STXBP6: variants seen among roughly 807,000 people sequenced by gnomAD.
STXBP6 encodes the protein syntaxin-binding protein 6.
Under a neutral mutation model 26.9 loss-of-function variants are expected in STXBP6, and 21 were observed. The ratio of observed to expected loss-of-function variants is 0.78; its 90% CI spans 0.55 to 1.12. The LOEUF (loss-of-function observed/expected upper bound fraction) is 1.12, where lower values mean the gene tolerates loss of function less well. Ranked by LOEUF, STXBP6 falls within the 50% of genes most tolerant of loss-of-function variation. The pLI is 0.00. For synonymous variants in STXBP6, 97 were observed against 92.6 expected (o/e 1.05, Z -0.27); for missense variants, 232 against 257.9 (o/e 0.90, Z 0.69).
intron 1 of STXBP6, among the ~76,000 whole-genome samples, chr14:25,033,321 T>G (rs764467007): frequency 4.0e-4 from 61 of 152,296 alleles, no homozygotes; most frequent in Non-Finnish European, 7.4e-4. Context: ...TTTACCACCC[T>G]GGTCAGACTA....
chr14:24,815,030 T>C (rs569510329), intron 5 of STXBP6, among the ~76,000 whole-genome samples: 1 of 152,318 alleles, frequency 6.6e-6, no homozygotes, highest in Admixed American at 6.5e-5. Flanking sequence ...AGTAGTATCA[T>C]TTTAGTTTTT....
chr14:24,896,468 A>G (rs2070995914), intron 2 of STXBP6, among the ~76,000 whole-genome samples: 2 of 152,176 alleles, frequency 1.3e-5, no homozygotes, highest in Non-Finnish European at 2.9e-5. Flanking sequence ...TCCCACTCAA[A>G]CCTACTGAAA....
At chr14:24,962,979 A>C (rs1481156073) in intron 2 of STXBP6, among the ~76,000 whole-genome samples, 1 of 152,232 alleles carries the variant, frequency 6.6e-6, no homozygotes, top group African/African-American at 2.4e-5. Flanking sequence ...GTGTATAAAA[A>C]ATAAAATTCT....
At chr14:24,941,799 G>T (rs1481282274) in intron 2 of STXBP6, among the ~76,000 whole-genome samples, 1 of 152,232 alleles carries the variant, frequency 6.6e-6, no homozygotes, top group Non-Finnish European at 1.5e-5. Flanking sequence ...GAGTGCCATT[G>T]CATGTTCTTA....
At chr14:24,989,030 A>G (rs2074400922) in intron 1 of STXBP6, among the ~76,000 whole-genome samples, 1 of 152,218 alleles carries the variant, frequency 6.6e-6, no homozygotes, top group South Asian at 2.1e-4. Flanking sequence ...TTCTTGGCTC[A>G]TGTATATTTC....
chr14:24,873,264 C>G (rs889389766), intron 2 of STXBP6, among the ~76,000 whole-genome samples: 6 of 151,640 alleles, frequency 4.0e-5, no homozygotes, highest in Admixed American at 3.9e-4. Flanking sequence ...ATAGTCCCTT[C>G]TTCTCAACGG....
At chr14:24,922,353 T>C (rs1347404451) in intron 2 of STXBP6, among the ~76,000 whole-genome samples, 1 of 152,106 alleles carries the variant, frequency 6.6e-6, no homozygotes, top group Non-Finnish European at 1.5e-5. Context: ...AGAGACATCA[T>C]ACCACGTTTT....
At chr14:24,908,707 TC>T (rs1464843512) in intron 2 of STXBP6, among the ~76,000 whole-genome samples, 1 of 152,184 alleles carries the variant, frequency 6.6e-6, no homozygotes, top group Non-Finnish European at 1.5e-5. Flanking sequence ...CCGAAACTTG[TC>T]CCAATTTCCT....
chr14:25,006,502 C>T (rs1391453082), intron 1 of STXBP6, among the ~76,000 whole-genome samples: 2 of 152,184 alleles, frequency 1.3e-5, no homozygotes, highest in Non-Finnish European at 2.9e-5. Context: ...GGAACCCTCA[C>T]ATAAACATGG....
chr14:24,864,539 A>G (rs1011068705), intron 2 of STXBP6, among the ~76,000 whole-genome samples: 1 of 152,166 alleles, frequency 6.6e-6, no homozygotes, highest in Non-Finnish European at 1.5e-5. Flanking sequence ...TTCCTCTTTC[A>G]AAACATAGAT....
Position 24,900,486 on chromosome 14 carries a change from C to T in STXBP6, c.155-43329G>A, listed in dbSNP as rs540013336. On this transcript the variant is annotated intron_variant, in intron 2 of 5. Transcript: ENST00000323944. The stretch of plus-strand genomic sequence containing the variant: ...CTTATTTTCTAATCTATCACGAAGT[C>T]CAAAATAAACTCCAGGCTTCCTCAT... Among the ~76,000 whole-genome samples, 18 of 152,174 alleles carry T rather than the reference C, an allele frequency of 1.2e-4. No homozygotes were observed. The South Asian group carries it at 3.3e-3, about 28-fold the overall frequency.
intron 1 of STXBP6, among the ~76,000 whole-genome samples, chr14:25,027,033 C>T (rs2075362279): frequency 6.6e-6 from 1 of 152,166 alleles, no homozygotes; most frequent in Non-Finnish European, 1.5e-5. Context: ...TAAATGGCTT[C>T]CCAATTGCGG....
At chr14:24,954,730 C>T (rs536394471) in intron 2 of STXBP6, among the ~76,000 whole-genome samples, 1 of 152,310 alleles carries the variant, frequency 6.6e-6, no homozygotes, top group Non-Finnish European at 1.5e-5. Context: ...TGACATAAGG[C>T]AGTAAAATAG....
At chr14:24,891,608 G>C (rs1173681318) in intron 2 of STXBP6, among the ~76,000 whole-genome samples, 1 of 152,078 alleles carries the variant, frequency 6.6e-6, no homozygotes, top group Non-Finnish European at 1.5e-5. Flanking sequence ...TCACTAAATA[G>C]AGGAAAACCA....
intron 2 of STXBP6, among the ~76,000 whole-genome samples, chr14:24,872,665 G>C (rs1193284152): frequency 2.0e-5 from 3 of 152,186 alleles, no homozygotes; most frequent in African/African-American, 7.2e-5. Context: ...CGAGAGTAGG[G>C]AGATGCCACG....
At chr14:24,952,032 T>C (rs933302993) in intron 2 of STXBP6, among the ~76,000 whole-genome samples, 7 of 150,946 alleles carry the variant, frequency 4.6e-5, no homozygotes, top group Admixed American at 6.6e-5. Context: ...CTTATATATA[T>C]AATATACACA....
At chr14:25,006,523 A>T in intron 1 of STXBP6, among the ~76,000 whole-genome samples, 1 of 152,194 alleles carries the variant, frequency 6.6e-6, no homozygotes, top group East Asian at 1.9e-4. Context: ...TTGATGCTTT[A>T]TTTGTGAAGG....
intron 2 of STXBP6, among the ~76,000 whole-genome samples, chr14:24,906,797 A>G (rs2071400068): frequency 6.6e-6 from 1 of 152,190 alleles, no homozygotes; most frequent in African/African-American, 2.4e-5. Context: ...GGAAAATATC[A>G]GGTCAAGGAG....
intron 4 of STXBP6, among the ~76,000 whole-genome samples, chr14:24,822,953 A>C (rs1048364097): frequency 1.3e-5 from 2 of 152,154 alleles, no homozygotes; most frequent in African/African-American, 4.8e-5. Context: ...GTGCTGAGTT[A>C]AATCTGGAAA....
Sources: allele counts gnomAD v4.1 joint callset (sites outside exome capture counted in the v4.1 genomes callset), GRCh38; gene constraint gnomAD v4.1.1; transcripts MANE v1.5; gene names NCBI Gene and HGNC (gene_info 2026-07-23, HGNC 2026-07-21).